The following SH3D19 variants were observed in gnomAD, a reference collection of about 807,000 sequenced individuals.
SH3D19 encodes SH3 domain-containing protein 19.
SH3D19 carries 58 observed loss-of-function variants against 112.1 expected under a neutral mutation model. That is an observed-to-expected ratio of 0.52 (90% confidence interval 0.42 to 0.64). SH3D19 has a LOEUF of 0.64. Among genes scored for constraint, SH3D19 ranks in the 30% least tolerant of loss-of-function variants. The pLI is 0.00. For synonymous variants in SH3D19, 391 were observed against 448.5 expected (o/e 0.87, Z 1.62); for missense variants, 1,090 against 1,263.4 (o/e 0.86, Z 2.08).
intron 9 of SH3D19, among the ~76,000 whole-genome samples, chr4:151,150,204 A>ATAT (rs147138936): frequency 1.0e-4 from 6 of 59,038 alleles, no homozygotes; most frequent in African/African-American, 2.5e-4. Context: ...AAAAAAAAAA[A>ATAT]AAATATATAT....
chr4:151,258,732 G>T (rs1772136309), intron 1 of SH3D19, among the ~76,000 whole-genome samples: 2 of 152,172 alleles, frequency 1.3e-5, no homozygotes, highest in African/African-American at 4.8e-5. Context: ...ATCTGGCAGG[G>T]GGTGAAGACC....
At chr4:151,157,259 GAAA>G (rs560064738) in intron 9 of SH3D19, among the ~76,000 whole-genome samples, 11 of 122,048 alleles carry the variant, frequency 9.0e-5, no homozygotes, top group African/African-American at 3.3e-4. Flanking sequence ...CTCAAAAAAA[GAAA>G]AAAAAAAAAC....
At chr4:151,177,001 C>A in intron 4 of SH3D19, 46 bp from the exon 5 acceptor site, 4 of 1,229,578 alleles carry the variant, frequency 3.3e-6, no homozygotes, top group Non-Finnish European at 4.1e-6. Flanking sequence ...TGGTAACAAG[C>A]TATTGTCTAT....
At chr4:151,171,234 CCAAA>C (rs1054497142) in intron 7 of SH3D19, among the ~76,000 whole-genome samples, 8 of 150,550 alleles carry the variant, frequency 5.3e-5, no homozygotes, top group Non-Finnish European at 1.2e-4. Flanking sequence ...CCTCACAGCT[CCAAA>C]CAGTCACTGA....
intron 1 of SH3D19, among the ~76,000 whole-genome samples, chr4:151,231,181 A>C (rs1307629114): frequency 3.9e-5 from 6 of 152,198 alleles, no homozygotes; most frequent in Non-Finnish European, 8.8e-5. Context: ...AAGACATAAG[A>C]TATCCAGTGT....
intron 2 of SH3D19, among the ~76,000 whole-genome samples, chr4:151,188,847 T>TA (rs1056514726): frequency 6.6e-6 from 1 of 152,154 alleles, no homozygotes; most frequent in Non-Finnish European, 1.5e-5. Flanking sequence ...TACTTGAAAA[T>TA]AGAGTCCATA....
rs550177151 is a variant in SH3D19 at position 151,198,882 on chromosome 4, A to G, written c.153-11419T>C. ...GTGGAAACAGCTGAATTCATTCTTA[A>G]CAATCAAAGATTTGTTCTTCTCTGG... On this transcript the variant is annotated intron_variant, in intron 2 of 19. Coordinates refer to ENST00000604030, the MANE Select transcript of SH3D19 (RefSeq NM_001378122.1). Among the ~76,000 whole-genome samples the G allele has an allele frequency of 5.3e-5, 8 of 152,330 alleles. No homozygotes were observed. In the South Asian group the frequency reaches 1.0e-3, roughly 20 times the overall value.
chr4:151,149,401 A>G, intron 10 of SH3D19, 99 bp downstream of exon 10: 2 of 956,860 alleles, frequency 2.1e-6, no homozygotes, highest in Non-Finnish European at 3.2e-6. Flanking sequence ...TTTATCTCTA[A>G]AAAAAGATTC....
At position 151,137,430 on chromosome 4, in the gene SH3D19, G is replaced by A. The variant is rs1397487529; in HGVS notation, c.2427+302C>T. On this transcript the variant is annotated intron_variant, in intron 14 of 19. Coordinates refer to ENST00000604030, the MANE Select transcript of SH3D19 (RefSeq NM_001378122.1). ...ATTCATGTTCACTAAATGTCTCAAA[G>A]AATTACCATATATCCTTAAGTGCTT... 2.0e-5 allele frequency among the ~76,000 whole-genome samples: 3 copies of A among 152,236 alleles called. No homozygotes were observed. In the South Asian group the frequency reaches 6.2e-4, roughly 32 times the overall value.
chr4:151,282,142 C>A, intron 1 of SH3D19: 1 of 1,612,996 alleles, frequency 6.2e-7, no homozygotes, highest in Non-Finnish European at 8.5e-7. Context: ...TTTCTTTTCC[C>A]CATAGGACCT....
intron 1 of SH3D19, among the ~76,000 whole-genome samples, chr4:151,317,283 T>C (rs967511841): frequency 3.3e-5 from 5 of 152,196 alleles, no homozygotes; most frequent in Admixed American, 2.6e-4. Context: ...CATCTCCTAA[T>C]ATCATAAAAT....
intron 13 of SH3D19, among the ~76,000 whole-genome samples, chr4:151,138,459 G>A (rs1447418174): frequency 6.6e-6 from 1 of 152,040 alleles, no homozygotes; most frequent in Non-Finnish European, 1.5e-5. Flanking sequence ...AGCACTTTAA[G>A]AAGCTAAGGT....
intron 1 of SH3D19, 123 bp from the exon 2 acceptor site, chr4:151,226,209 T>C (rs1379126038): frequency 8.1e-7 from 1 of 1,227,170 alleles, no homozygotes; most frequent in Non-Finnish European, 1.0e-6. Flanking sequence ...AGTTGTGTCT[T>C]CCTAAGTATA....
intron 19 of SH3D19, among the ~76,000 whole-genome samples, chr4:151,127,414 A>G (rs1749655881): frequency 6.6e-6 from 1 of 152,198 alleles, no homozygotes; most frequent in Non-Finnish European, 1.5e-5. Flanking sequence ...TTCTCTAAGT[A>G]CATTAATGCC....
rs1455313533 is a variant in SH3D19, at chr4:151,289,622, G to T, written c.112+35619C>A. Among the ~76,000 whole-genome samples the T allele has an allele frequency of 3.3e-5, 5 of 152,322 alleles. 1 individual carries two copies. Among genetic ancestry groups the T allele is most frequent in the Middle Eastern group, 6.8e-3 (2 of 294 alleles). On this transcript the variant is annotated intron_variant, in intron 1 of 19. Coordinates refer to ENST00000604030, the MANE Select transcript of SH3D19 (RefSeq NM_001378122.1). ...TGGTATAAAGATATGCAAATGTAGA[G>T]AAATTGGAGCCTTCTAACACTGTTG... is the stretch of plus-strand genomic sequence containing the variant.
intron 8 of SH3D19, among the ~76,000 whole-genome samples, chr4:151,160,087 CTTTT>C (rs1203320024): frequency 2.2e-5 from 3 of 137,514 alleles, no homozygotes; most frequent in Admixed American, 7.3e-5. Flanking sequence ...TGTTTTATTT[CTTTT>C]TTTTTTTTTT....
At chr4:151,301,480 G>A (rs991509489) in intron 1 of SH3D19, among the ~76,000 whole-genome samples, 8 of 152,196 alleles carry the variant, frequency 5.3e-5, no homozygotes, top group South Asian at 2.1e-4. Context: ...GCCCGCCTCA[G>A]CCTCCCAAAG....
At chr4:151,276,322 C>A (rs1371597106) in intron 1 of SH3D19, among the ~76,000 whole-genome samples, 1 of 152,110 alleles carries the variant, frequency 6.6e-6, no homozygotes, top group African/African-American at 2.4e-5. Flanking sequence ...TTGTGGTGTA[C>A]CATCCAGACC....
intron 3 of SH3D19, among the ~76,000 whole-genome samples, chr4:151,185,507 A>C (rs1212081648): frequency 6.6e-6 from 1 of 152,202 alleles, no homozygotes; most frequent in Non-Finnish European, 1.5e-5. Context: ...TATTTAAATT[A>C]TCTCTCTGCC....
Sources: gnomAD v4.1 joint callset for allele counts (sites outside exome capture counted in the v4.1 genomes callset) on GRCh38, gnomAD v4.1.1 for gene constraint, MANE v1.5 for transcripts, NCBI Gene and HGNC (gene_info 2026-07-23, HGNC 2026-07-21) for gene names.